PTPRM: variants seen among roughly 807,000 people sequenced by gnomAD.
PTPRM encodes the protein receptor-type tyrosine-protein phosphatase mu.
Under a neutral mutation model 186.7 loss-of-function variants are expected in PTPRM, and 47 were observed. That is an observed-to-expected ratio of 0.25 (90% confidence interval 0.20 to 0.32). The LOEUF is 0.32. Among genes scored for constraint, PTPRM ranks in the 10% least tolerant of loss-of-function variants. The pLI is 1.00. For synonymous variants in PTPRM, 668 were observed against 674.9 expected (o/e 0.99, Z 0.16); for missense variants, 1,494 against 1,865.0 (o/e 0.80, Z 3.66).
At chr18:8,329,844 G>T (rs537288114) in intron 22 of PTPRM, among the ~76,000 whole-genome samples, 1 of 152,178 alleles carries the variant, frequency 6.6e-6, no homozygotes, top group South Asian at 2.1e-4. Flanking sequence ...TGTCACCCAG[G>T]CAGGAGTGTA....
chr18:7,861,754 G>T (rs760142923), intron 2 of PTPRM, among the ~76,000 whole-genome samples: 3 of 150,746 alleles, frequency 2.0e-5, no homozygotes, highest in Non-Finnish European at 4.4e-5. Context: ...TTTGATATTG[G>T]GGTGTGTGTG....
chr18:7,781,574 T>C (rs1336922666), intron 2 of PTPRM, among the ~76,000 whole-genome samples: 2 of 152,218 alleles, frequency 1.3e-5, no homozygotes, highest in Non-Finnish European at 1.5e-5. Flanking sequence ...ATAGTCCCCA[T>C]AGGTGGCCTT....
At chr18:7,905,510 A>G (rs945906234) in intron 3 of PTPRM, among the ~76,000 whole-genome samples, 2 of 152,120 alleles carry the variant, frequency 1.3e-5, no homozygotes, top group Admixed American at 6.5e-5. Context: ...TTCAGTTAGC[A>G]TATTCTCTTC....
At chr18:7,776,669 T>G (rs866134027) in intron 2 of PTPRM, among the ~76,000 whole-genome samples, 38 of 152,240 alleles carry the variant, frequency 2.5e-4, no homozygotes, top group Middle Eastern at 3.4e-3. Flanking sequence ...GGAAAAAAAG[T>G]TACAAAAATA....
At chr18:8,304,460 A>G (rs1040681332) in intron 20 of PTPRM, among the ~76,000 whole-genome samples, 2 of 152,138 alleles carry the variant, frequency 1.3e-5, no homozygotes, top group Non-Finnish European at 2.9e-5. Context: ...ACCCAAAAAT[A>G]TCTGCTTTTC....
chr18:8,094,118 T>C (rs1332429576), intron 11 of PTPRM, among the ~76,000 whole-genome samples: 1 of 152,186 alleles, frequency 6.6e-6, no homozygotes, highest in Admixed American at 6.6e-5. Flanking sequence ...AAAAAGTTTA[T>C]CCCTTTATAG....
At chr18:8,386,989 A>C in intron 30 of PTPRM, 83 bp from the exon 31 acceptor site, 2 of 1,362,506 alleles carry the variant, frequency 1.5e-6, no homozygotes, top group Non-Finnish European at 1.0e-6. Flanking sequence ...GGGAAGATCA[A>C]GTAAGTGGAA....
At chr18:8,334,042 C>A in intron 22 of PTPRM, among the ~76,000 whole-genome samples, 1 of 152,344 alleles carries the variant, frequency 6.6e-6, no homozygotes, top group East Asian at 1.9e-4. Context: ...AACAAAGGCA[C>A]TTCATCTCCT....
At chr18:8,374,515 C>A (rs538423420) in intron 24 of PTPRM, among the ~76,000 whole-genome samples, 1 of 152,204 alleles carries the variant, frequency 6.6e-6, no homozygotes, top group East Asian at 1.9e-4. Flanking sequence ...GAGGGTGACA[C>A]AGCCTCAGCT....
intron 31 of PTPRM, among the ~76,000 whole-genome samples, chr18:8,392,003 A>G (rs1247368124): frequency 6.6e-6 from 1 of 152,226 alleles, no homozygotes; most frequent in African/African-American, 2.4e-5. Flanking sequence ...AATGAGAAAA[A>G]TCTAGGATGT....
At chr18:7,956,773 ATTG>A (rs1260915404) in intron 7 of PTPRM, among the ~76,000 whole-genome samples, 1 of 152,176 alleles carries the variant, frequency 6.6e-6, no homozygotes, top group Non-Finnish European at 1.5e-5. Context: ...AAATTCCATC[ATTG>A]TTGTAAAAGT....
At chr18:8,103,313 A>G (rs1366172482) in intron 11 of PTPRM, among the ~76,000 whole-genome samples, 1 of 152,216 alleles carries the variant, frequency 6.6e-6, no homozygotes, top group East Asian at 1.9e-4. Flanking sequence ...TCTGCTTCCA[A>G]TAGAAGGCCA....
chr18:8,247,947 C>T (rs748616389), intron 16 of PTPRM, 28 bp downstream of exon 16: 91 of 1,515,690 alleles, frequency 6.0e-5, no homozygotes, highest in Non-Finnish European at 8.3e-5. Flanking sequence ...TGTCTCCTCT[C>T]TGCTCTCTCC....
intron 2 of PTPRM, among the ~76,000 whole-genome samples, chr18:7,777,390 C>T (rs933787042): frequency 4.6e-5 from 7 of 152,030 alleles, no homozygotes; most frequent in Non-Finnish European, 8.8e-5. Context: ...CAAAATGCAG[C>T]GTTTACAAGT....
intron 23 of PTPRM, among the ~76,000 whole-genome samples, chr18:8,344,446 G>GTA (rs1412437272): frequency 3.8e-3 from 63 of 16,606 alleles, no homozygotes; most frequent in Admixed American, 0.022. Context: ...GTGTGTGTGT[G>GTA]TGTATATATA....
intron 22 of PTPRM, among the ~76,000 whole-genome samples, chr18:8,329,915 C>G (rs1449488857): frequency 6.6e-6 from 1 of 152,174 alleles, no homozygotes. Flanking sequence ...CCTCCTGCCT[C>G]AGCCTCCTGA....
At chr18:7,917,195 C>G (rs1342824327) in intron 4 of PTPRM, among the ~76,000 whole-genome samples, 1 of 152,196 alleles carries the variant, frequency 6.6e-6, no homozygotes, top group Non-Finnish European at 1.5e-5. Flanking sequence ...TTATGGAAAG[C>G]AGTTTGACAA....
At chr18:7,587,050 G>T (rs950784121) in intron 1 of PTPRM, among the ~76,000 whole-genome samples, 1 of 151,868 alleles carries the variant, frequency 6.6e-6, no homozygotes, top group Non-Finnish European at 1.5e-5. Context: ...TACTTATCAG[G>T]CTTCTCTGTA....
chr18:7,985,367 A>ATATACG (rs2082884355), intron 7 of PTPRM, among the ~76,000 whole-genome samples: 1 of 120,768 alleles, frequency 8.3e-6, no homozygotes, highest in Non-Finnish European at 1.7e-5. Context: ...ATATACTGGT[A>ATATACG]TATACGTATA....
Sources: allele counts gnomAD v4.1 joint callset (sites outside exome capture counted in the v4.1 genomes callset), GRCh38; gene constraint gnomAD v4.1.1; transcripts MANE v1.5; gene names NCBI Gene and HGNC (gene_info 2026-07-23, HGNC 2026-07-21).